AGBL1: variants seen among roughly 807,000 people sequenced by gnomAD.
The protein encoded by AGBL1 is AGBL carboxypeptidase 1.
In AGBL1, 130 loss-of-function variants were observed where a neutral mutation model predicts 118.9. The observed-to-expected ratio is 1.09, with a 90% CI of 0.95 to 1.26. The LOEUF is 1.26. AGBL1 is among the 50% of genes most tolerant of loss of function. The pLI, the probability that AGBL1 is intolerant of heterozygous loss-of-function variation, is 0.00. For synonymous variants in AGBL1, 555 were observed against 478.9 expected, an observed-to-expected ratio of 1.16 and a Z score of -2.08; for missense variants, 1,584 against 1,298.1, an observed-to-expected ratio of 1.22 and a Z score of -3.38.
intron 21 of AGBL1, among the ~76,000 whole-genome samples, chr15:86,636,907 T>C (rs970093363): frequency 4.0e-5 from 6 of 151,250 alleles, no homozygotes; most frequent in Non-Finnish European, 8.9e-5. Context: ...TATATAGGGC[T>C]CTTGCTGGAC....
intron 1 of AGBL1, among the ~76,000 whole-genome samples, chr15:86,133,106 G>A (rs943018283): frequency 6.6e-6 from 1 of 152,098 alleles, no homozygotes; most frequent in Non-Finnish European, 1.5e-5. Context: ...GAGGAAATTG[G>A]GTGTTACAGA....
chr15:86,833,817 C>T (rs1182703007), intron 22 of AGBL1, among the ~76,000 whole-genome samples: 1 of 152,076 alleles, frequency 6.6e-6, no homozygotes, highest in Non-Finnish European at 1.5e-5. Flanking sequence ...TACATGGGTC[C>T]AGAAATCAGT....
At chr15:86,537,237 A>G (rs563645885) in intron 19 of AGBL1, among the ~76,000 whole-genome samples, 6 of 152,328 alleles carry the variant, frequency 3.9e-5, no homozygotes, top group Admixed American at 3.9e-4. Context: ...GGTCAAAAAG[A>G]CTAGTCTGAA....
At chr15:86,489,363 C>T (rs1225419862) in intron 18 of AGBL1, among the ~76,000 whole-genome samples, 2 of 152,056 alleles carry the variant, frequency 1.3e-5, no homozygotes, top group Non-Finnish European at 2.9e-5. Context: ...AATGATAGTG[C>T]CCTATATTTG....
At chr15:86,181,250 C>A (rs1396046119) in intron 5 of AGBL1, among the ~76,000 whole-genome samples, 4 of 151,904 alleles carry the variant, frequency 2.6e-5, no homozygotes, top group Non-Finnish European at 5.9e-5. Flanking sequence ...TTTGTAATAG[C>A]CGAAAGCTGG....
intron 18 of AGBL1, among the ~76,000 whole-genome samples, chr15:86,488,676 C>T (rs1469734001): frequency 6.6e-6 from 1 of 151,972 alleles, no homozygotes; most frequent in Non-Finnish European, 1.5e-5. Context: ...TCCTCTTTTC[C>T]ATTCCTCCCT....
At chr15:86,524,984 T>A (rs898334892) in intron 19 of AGBL1, among the ~76,000 whole-genome samples, 5 of 152,174 alleles carry the variant, frequency 3.3e-5, no homozygotes, top group Non-Finnish European at 7.3e-5. Context: ...AATGATATGA[T>A]CATATACCTA....
intron 21 of AGBL1, among the ~76,000 whole-genome samples, chr15:86,634,579 A>G (rs978185252): frequency 6.6e-6 from 1 of 152,212 alleles, no homozygotes; most frequent in East Asian, 1.9e-4. Flanking sequence ...GTGTCTGCTA[A>G]TGGATGTGGA....
At chr15:86,867,018 A>T (rs2079641450) in intron 22 of AGBL1, among the ~76,000 whole-genome samples, 1 of 152,182 alleles carries the variant, frequency 6.6e-6, no homozygotes, top group African/African-American at 2.4e-5. Flanking sequence ...TGAGATGGTG[A>T]GACACTCCTA....
rs1405781346 is a variant in AGBL1 at position 86,522,865 on chromosome 15, G to T, written c.2611G>T (p.Ala871Ser). ...GAACAGACAATGGCTTTCTCCCAGTGCTCATCTGCAGCCAACCATTTACCA... is the reference window on the plus strand; with the variant it reads ...GAACAGACAATGGCTTTCTCCCAGTTCTCATCTGCAGCCAACCATTTACCA... ...DLNRQWLSPS[A>S]HLQPTIYHAK... The change falls in exon 19 of 23, where the codon GCT (alanine) becomes TCT (serine). Residue 871 changes from alanine (A) to serine (S), a missense_variant. Coordinates refer to ENST00000614907, the MANE Select transcript of AGBL1 (RefSeq NM_001386094.1). 3 of 1,613,822 alleles carry T rather than the reference G, an allele frequency of 1.9e-6. No homozygotes were observed. The East Asian group carries it at 6.7e-5, about 36-fold the overall frequency.
intron 21 of AGBL1, among the ~76,000 whole-genome samples, chr15:86,628,581 G>A (rs1300943731): frequency 6.6e-6 from 1 of 152,070 alleles, no homozygotes; most frequent in Non-Finnish European, 1.5e-5. Flanking sequence ...TGGATCAGGA[G>A]GCAAGGAGAT....
rs966604987 is a variant in AGBL1, at chr15:86,800,175, A to AT, written c.3159-106904dup. Among the ~76,000 whole-genome samples, 127 of 151,832 alleles carry AT rather than the reference A, an allele frequency of 8.4e-4. No homozygotes were observed. In the Middle Eastern group the frequency reaches 0.01, roughly 12 times the overall value. ...GAACCAGATCATTTGATAGGATATT[A>AT]TTTTTTTTGTCGTAGATCCTGGCAA... is the stretch of plus-strand genomic sequence containing the variant. On this transcript the variant is annotated intron_variant, in intron 22 of 22. Coordinates refer to ENST00000614907, the MANE Select transcript of AGBL1 (RefSeq NM_001386094.1).
intron 23 of AGBL1, among the ~76,000 whole-genome samples, chr15:86,959,774 A>G (rs959266718): frequency 4.6e-5 from 7 of 152,102 alleles, no homozygotes; most frequent in African/African-American, 1.4e-4. Context: ...CACAAGACTT[A>G]TCTTTTTCTT....
chr15:86,131,239 T>C (rs2076814787), intron 1 of AGBL1, among the ~76,000 whole-genome samples: 1 of 152,200 alleles, frequency 6.6e-6, no homozygotes, highest in Non-Finnish European at 1.5e-5. Context: ...AGGTAAGCAA[T>C]GTCACTTCCA....
chr15:86,813,609 A>G (rs2078821841), intron 22 of AGBL1, among the ~76,000 whole-genome samples: 1 of 151,928 alleles, frequency 6.6e-6, no homozygotes, highest in South Asian at 2.1e-4. Flanking sequence ...CAACAGACAG[A>G]TCCTCTGGAG....
intron 6 of AGBL1, among the ~76,000 whole-genome samples, chr15:86,242,485 G>C (rs190685657): frequency 5.3e-5 from 8 of 152,154 alleles, no homozygotes; most frequent in Admixed American, 5.2e-4. Flanking sequence ...GCTCAAAGTC[G>C]CACAGCTAGA....
chr15:86,649,601 G>T (rs1008751155), intron 21 of AGBL1, among the ~76,000 whole-genome samples: 4 of 151,900 alleles, frequency 2.6e-5, no homozygotes, highest in Non-Finnish European at 5.9e-5. Flanking sequence ...TAGATTGGCT[G>T]ATCATATCAG....
intron 19 of AGBL1, among the ~76,000 whole-genome samples, chr15:86,524,496 G>A (rs2083235181): frequency 6.6e-6 from 1 of 152,138 alleles, no homozygotes; most frequent in Non-Finnish European, 1.5e-5. Flanking sequence ...CAACAATATG[G>A]GTTGCCAACC....
At chr15:86,465,464 T>C (rs1439715016) in intron 18 of AGBL1, among the ~76,000 whole-genome samples, 1 of 152,200 alleles carries the variant, frequency 6.6e-6, no homozygotes, top group Admixed American at 6.5e-5. Context: ...GAGATAACCA[T>C]AAATTCTGAC....
Sources: gnomAD v4.1 joint callset for allele counts (sites outside exome capture counted in the v4.1 genomes callset) on GRCh38, gnomAD v4.1.1 for gene constraint, MANE v1.5 for transcripts, NCBI Gene and HGNC (gene_info 2026-07-23, HGNC 2026-07-21) for gene names.